Variants in CELF2 observed in about 807,000 individuals in gnomAD.
CELF2 encodes the protein CUG triplet repeat RNA-binding protein 2.
Under a neutral mutation model 62.6 loss-of-function variants are expected in CELF2, and 8 were observed. The observed-to-expected ratio is 0.13, with a 90% CI of 0.07 to 0.23. The LOEUF (loss-of-function observed/expected upper bound fraction) is 0.23, where lower values mean the gene tolerates loss of function less well. Among genes scored for constraint, CELF2 ranks in the 10% least tolerant of loss-of-function variants. The probability of loss-of-function intolerance (pLI) is 1.00; values close to 1 mark genes in which losing one functional copy is unlikely to be tolerated. For missense variants in CELF2, 333 were observed against 671.0 expected (o/e 0.50, Z 5.56); for synonymous variants, 258 against 250.0 (o/e 1.03, Z -0.30).
At chr10:11,171,917 A>G (rs1224902155) in intron 2 of CELF2, among the ~76,000 whole-genome samples, 1 of 152,162 alleles carries the variant, frequency 6.6e-6, no homozygotes, top group East Asian at 1.9e-4. Flanking sequence ...GGGGAGGGTC[A>G]TTTTCATGTT....
chr10:11,064,415 A>T (rs537110242), intron 1 of CELF2, among the ~76,000 whole-genome samples: 17 of 152,230 alleles, frequency 1.1e-4, no homozygotes, highest in Admixed American at 2.0e-4. Flanking sequence ...ATGATGAAAG[A>T]AACAATACAT....
chr10:11,118,755 A>C (rs1016423980), intron 1 of CELF2, among the ~76,000 whole-genome samples: 1 of 152,204 alleles, frequency 6.6e-6, no homozygotes, highest in Non-Finnish European at 1.5e-5. Flanking sequence ...CAAGGATGAG[A>C]AAATCAAAAG....
In CELF2 at chr10:11,018,143, C is replaced by T. The variant is rs761372536; in HGVS notation, c.54C>T (p.Arg18=). Reference sequence around the variant, plus strand: ...TCCCGGACATGATGGTCGAGGGCCGCCTGCTCGTTCCTGACAGAATGTGAG... The same window carrying T: ...TCCCGGACATGATGGTCGAGGGCCGTCTGCTCGTTCCTGACAGAATGTGAG... The part of the protein sequence containing the change: ...DFLPDMMVEG[R]LLVPDRINGT... The change falls in exon 1 of 13, where the codon CGC becomes CGT. Residue 18 remains arginine, a synonymous_variant. Transcript: ENST00000633077. The T allele has an allele frequency of 2.0e-6, 3 of 1,523,234 alleles. No individual in the cohort carries two copies. The Admixed American group carries it at 6.0e-5, about 31-fold the overall frequency. The allele number at this position is 1,523,234 out of a possible 1,614,324, so 94.4% of individuals were successfully genotyped here. A position where few individuals can be genotyped will look rare whatever the true frequency, so the allele number is the denominator to read the frequency against.
chr10:10,645,703 C>A, the CELF2 span, among the ~76,000 whole-genome samples: 1 of 152,126 alleles, frequency 6.6e-6, no homozygotes, highest in Non-Finnish European at 1.5e-5. Flanking sequence ...TGATAAGCTT[C>A]CAGAGTGCAG....
chr10:10,748,501 C>G, the CELF2 span, among the ~76,000 whole-genome samples: 1 of 152,026 alleles, frequency 6.6e-6, no homozygotes, highest in Non-Finnish European at 1.5e-5. Context: ...GTAATCCCAG[C>G]ACTTTGGGAG....
chr10:10,676,826 G>C, the CELF2 span, among the ~76,000 whole-genome samples: 5 of 152,270 alleles, frequency 3.3e-5, no homozygotes, highest in South Asian at 4.1e-4. Flanking sequence ...TATTAGGGGG[G>C]AGTGACAGCT....
At chr10:10,796,876 C>T, upstream of CELF2, 1 of 985,068 alleles carries the variant, frequency 1.0e-6, no homozygotes, top group Non-Finnish European at 1.2e-6. Flanking sequence ...AGCTTGAAGT[C>T]CCAGAAAGGC....
At chr10:10,709,963 T>A in the CELF2 span, among the ~76,000 whole-genome samples, 1 of 152,222 alleles carries the variant, frequency 6.6e-6, no homozygotes, top group Non-Finnish European at 1.5e-5. Flanking sequence ...GGGGACCTGA[T>A]GGCTTTGTGC....
chr10:10,590,518 C>T, the CELF2 span, among the ~76,000 whole-genome samples: 1 of 152,174 alleles, frequency 6.6e-6, no homozygotes. Flanking sequence ...AAGACGGAAT[C>T]ACACTGGCTA....
At chr10:10,653,944 G>A in the CELF2 span, among the ~76,000 whole-genome samples, 8 of 151,496 alleles carry the variant, frequency 5.3e-5, no homozygotes, top group African/African-American at 1.7e-4. Flanking sequence ...TTTTTTGAAA[G>A]GATCAACAAA....
chr10:10,703,936 A>G, the CELF2 span, among the ~76,000 whole-genome samples: 3 of 152,226 alleles, frequency 2.0e-5, no homozygotes, highest in Non-Finnish European at 4.4e-5. Context: ...TCTGCCTTGA[A>G]AGATCTGTGA....
At chr10:11,252,506 A>T (rs886214383) in intron 4 of CELF2, among the ~76,000 whole-genome samples, 1 of 152,262 alleles carries the variant, frequency 6.6e-6, no homozygotes, top group South Asian at 2.1e-4. Context: ...GGTGAACTCC[A>T]GAAAAGCAGT....
chr10:10,535,148 C>T, the CELF2 span, among the ~76,000 whole-genome samples: 6 of 152,190 alleles, frequency 3.9e-5, no homozygotes, highest in Non-Finnish European at 7.3e-5. Context: ...ATACCCAATA[C>T]TGGCAGATGA....
the CELF2 span, among the ~76,000 whole-genome samples, chr10:10,772,119 TA>T: frequency 6.6e-6 from 1 of 151,888 alleles, no homozygotes; most frequent in African/African-American, 2.4e-5. Context: ...AAAAAAAAGG[TA>T]GATTGTAAAA....
upstream of CELF2, among the ~76,000 whole-genome samples, chr10:11,013,738 T>C (rs934174459): frequency 6.6e-6 from 1 of 152,238 alleles, no homozygotes; most frequent in Admixed American, 6.5e-5. This position sits in a 1 kb window ranked among gnomAD's most constrained non-coding sequence, Gnocchi z 4.1. Context: ...AATGTCACTG[T>C]TCCAGAAGTT....
chr10:10,876,575 T>C (rs2061109591), intron 1 of CELF2, among the ~76,000 whole-genome samples: 1 of 152,214 alleles, frequency 6.6e-6, no homozygotes, highest in Non-Finnish European at 1.5e-5. Flanking sequence ...AGGAGGCCGA[T>C]TACTCTGAAT....
intron 1 of CELF2, among the ~76,000 whole-genome samples, chr10:11,042,395 G>A (rs1342909264): frequency 2.6e-5 from 4 of 152,122 alleles, no homozygotes; most frequent in Non-Finnish European, 2.9e-5. Flanking sequence ...ATGATTGAAC[G>A]GTCTCTCTTG....
the CELF2 span, among the ~76,000 whole-genome samples, chr10:10,720,654 T>C: frequency 1.4e-4 from 22 of 152,230 alleles, no homozygotes; most frequent in Non-Finnish European, 2.9e-4. Context: ...AGAGAAATTT[T>C]AAGATAATAT....
chr10:10,674,681 T>A, the CELF2 span, among the ~76,000 whole-genome samples: 3 of 152,252 alleles, frequency 2.0e-5, no homozygotes, highest in Admixed American at 2.0e-4. Flanking sequence ...CTTAGAAGAT[T>A]AGTTATACTT....
Sources: gnomAD v4.1 joint callset for allele counts (sites outside exome capture counted in the v4.1 genomes callset) on GRCh38, gnomAD v4.1.1 for gene constraint, Gnocchi (gnomAD v3.1) non-coding constraint, MANE v1.5 for transcripts, NCBI Gene and HGNC (gene_info 2026-07-23, HGNC 2026-07-21) for gene names.